The following BCL7C variants were observed in gnomAD, a reference collection of about 807,000 sequenced individuals.
BCL7C encodes BAF chromatin remodeling complex subunit BCL7C.
Under a neutral mutation model 26.2 loss-of-function variants are expected in BCL7C, and 8 were observed. The ratio of observed to expected loss-of-function variants is 0.30; its 90% CI spans 0.18 to 0.55. The LOEUF (loss-of-function observed/expected upper bound fraction) is 0.55. Ranked by LOEUF, BCL7C falls within the 20% of genes least tolerant of loss-of-function variation. The pLI, the probability that BCL7C is intolerant of heterozygous loss-of-function variation, is 0.93. For synonymous variants in BCL7C, 90 were observed against 116.5 expected (o/e 0.77, Z 1.47); for missense variants, 262 against 298.5 (o/e 0.88, Z 0.90).
intron 5 of BCL7C, among the ~76,000 whole-genome samples, chr16:30,877,488 C>A (rs573457831): frequency 2.0e-5 from 3 of 150,860 alleles, no homozygotes; most frequent in African/African-American, 7.3e-5. Flanking sequence ...TCACCAGGCC[C>A]GAGTGCAGTG....
chr16:30,858,868 A>C (rs2054746522), intron 5 of BCL7C, among the ~76,000 whole-genome samples: 1 of 152,206 alleles, frequency 6.6e-6, no homozygotes, highest in African/African-American at 2.4e-5. Context: ...ACATAGCCTG[A>C]TAAAATCCCT....
chr16:30,887,700 G>T, downstream of BCL7C: 1 of 1,203,688 alleles, frequency 8.3e-7, no homozygotes, highest in Non-Finnish European at 1.1e-6. Context: ...GGTCCTCTCA[G>T]AGCCTCAGTG....
chr16:30,847,783 G>T (rs2054645011), intron 5 of BCL7C, among the ~76,000 whole-genome samples: 2 of 151,770 alleles, frequency 1.3e-5, no homozygotes, highest in Non-Finnish European at 2.9e-5. Flanking sequence ...GCAACAGAAT[G>T]AGACTCTATC....
chr16:30,888,947 T>C lies in BCL7C; in HGVS notation c.443-2A>G. On this transcript the variant is annotated splice_acceptor_variant, in intron 4 of 5. Coordinates refer to ENST00000215115, the MANE Select transcript of BCL7C (RefSeq NM_004765.4). LOFTEE classifies it high-confidence loss of function. ...TGCCAGCAGTTATGCCCCCGGGATC[T>C]GGAACGTCAAGGTAACAAACATCCC... 1.2e-6 allele frequency: 2 copies of C among 1,613,838 alleles called. No individual in the cohort carries two copies. Among genetic ancestry groups the C allele is most frequent in the African/African-American group, 2.7e-5 (2 of 75,038 alleles).
chr16:30,868,855 C>CA lies in BCL7C; in HGVS notation c.528+20004dup, dbSNP rs913478472. ...ACGGAAAAGAAAAATAATACAACAG[C>CA]AAAAAAAAAAGATTTAAAAAAAATT... is the stretch of plus-strand genomic sequence containing the variant. On this transcript the variant is annotated intron_variant, in intron 5 of 5. Coordinates refer to the BCL7C transcript ENST00000380317. Among the ~76,000 whole-genome samples the CA allele has an allele frequency of 4.7e-3, 694 of 146,794 alleles. 2 individuals are homozygous for CA. The highest frequency in any genetic ancestry group is 0.015 in the African/African-American group (616 of 40,226).
intron 5 of BCL7C, chr16:30,875,250 C>T (rs1329024857): frequency 6.5e-6 from 1 of 154,638 alleles, no homozygotes; most frequent in Non-Finnish European, 1.5e-5. Flanking sequence ...CAGGCGAGGC[C>T]ACGCGACATA....
Position 30,834,949 on chromosome 16 carries a change from C to G in BCL7C, c.728G>C (p.Ter243SerextTer38). The G allele has an allele frequency of 6.5e-7, 1 of 1,530,676 alleles. No individual in the cohort carries two copies. The highest frequency in any genetic ancestry group is 1.2e-5 in the South Asian group (1 of 82,210). The allele number at this position is 1,530,676 out of a possible 1,614,324, so 94.8% of individuals were successfully genotyped here. Residue 243 changes from the stop codon to serine, a stop_lost, in exon 6 of 6, where the codon TGA becomes TCA. Transcript: ENST00000380317. This position sits in a 1 kb window ranked among gnomAD's most constrained non-coding sequence, Gnocchi z 4.3. Reference sequence around the variant, plus strand: ...TCTTGGCTTGCTTGGGGAGCCCACTCACCTCCCCTTACCCTGGGGGATTGT... The same window carrying G: ...TCTTGGCTTGCTTGGGGAGCCCACTGACCTCCCCTTACCCTGGGGGATTGT...
intron 5 of BCL7C, among the ~76,000 whole-genome samples, chr16:30,868,299 T>C (rs926190164): frequency 6.7e-6 from 1 of 149,546 alleles, no homozygotes; most frequent in African/African-American, 2.4e-5. Flanking sequence ...GGCTAATTTT[T>C]TTTTTTTTTT....
At chr16:30,839,699 G>A (rs986086914) in intron 5 of BCL7C, among the ~76,000 whole-genome samples, 6 of 152,212 alleles carry the variant, frequency 3.9e-5, no homozygotes, top group Non-Finnish European at 5.9e-5. Flanking sequence ...AAACGAGCTC[G>A]AAAGTGGATT....
rs751012085 is a variant in BCL7C at position 30,893,340 on chromosome 16, C to A, written c.93-50G>T. 5 of 1,510,366 alleles carry A rather than the reference C, an allele frequency of 3.3e-6. No individual in the cohort carries two copies. In the East Asian group the frequency reaches 9.1e-5, roughly 28 times the overall value. 93.6% of individuals were successfully genotyped at this position (1,510,366 alleles called of 1,614,324 possible). On this transcript the variant is annotated intron_variant, in intron 1 of 5. Transcript: ENST00000215115. The surrounding 1 kb of genome is among the most constrained non-coding windows in gnomAD (Gnocchi z 5.2). Reference sequence around the variant, plus strand: ...CAGAGAGGCCTGAGGGGAGACCCACCCCCCTAGGAGCTGGACACATCTGGG... The same window carrying A: ...CAGAGAGGCCTGAGGGGAGACCCACACCCCTAGGAGCTGGACACATCTGGG...
chr16:30,865,721 TTTTTTC>T (rs2054819353), intron 5 of BCL7C, among the ~76,000 whole-genome samples: 1 of 114,794 alleles, frequency 8.7e-6, no homozygotes, highest in Non-Finnish European at 1.7e-5. Context: ...ATATGGCTTT[TTTTTTC>T]TTTTTTTTTT....
chr16:30,846,078 C>A (rs1291816163), intron 5 of BCL7C, among the ~76,000 whole-genome samples: 1 of 146,476 alleles, frequency 6.8e-6, no homozygotes, highest in Non-Finnish European at 1.5e-5. Context: ...CCACTGCACT[C>A]CAGCCTGGGC....
At chr16:30,880,386 C>A (rs560571812) in intron 5 of BCL7C, among the ~76,000 whole-genome samples, 1 of 151,732 alleles carries the variant, frequency 6.6e-6, no homozygotes, top group South Asian at 2.1e-4. Flanking sequence ...GACAGCAGAT[C>A]AAGGCCCTGT....
chr16:30,850,459 G>A (rs2054666460), intron 5 of BCL7C, among the ~76,000 whole-genome samples: 1 of 152,134 alleles, frequency 6.6e-6, no homozygotes, highest in African/African-American at 2.4e-5. Flanking sequence ...TTGTCATTGT[G>A]CAGACATCAT....
chr16:30,879,700 A>AAAAAAAAAAAAAAAC lies in BCL7C; in HGVS notation c.528+9159_528+9160insGTTTTTTTTTTTTTT, dbSNP rs758573108. Among the ~76,000 whole-genome samples the AAAAAAAAAAAAAAAC allele has an allele frequency of 4.3e-3, 576 of 135,054 alleles. 61 individuals are homozygous for AAAAAAAAAAAAAAAC. Among genetic ancestry groups the AAAAAAAAAAAAAAAC allele is most frequent in the Non-Finnish European group, 8.3e-3 (491 of 59,490 alleles). The allele number at this position is 135,054 out of a possible 152,430, so 88.6% of individuals were successfully genotyped here. Reference sequence around the variant, plus strand: ...ACTCCCCTTCTCTACAAAAAAAAAAAAAAAAAAAACTGGGCACGGTGGCTC... The same window carrying AAAAAAAAAAAAAAAC: ...ACTCCCCTTCTCTACAAAAAAAAAAAAAAAAAAAAAAAAACAAAAAAAAACTGGGCACGGTGGCTC... On this transcript the variant is annotated intron_variant, in intron 5 of 5. Transcript: ENST00000380317.
intron 5 of BCL7C, among the ~76,000 whole-genome samples, chr16:30,876,881 TTGG>T (rs1329878386): frequency 6.6e-6 from 1 of 152,066 alleles, no homozygotes; most frequent in Non-Finnish European, 1.5e-5. Flanking sequence ...CATAAGGAAC[TTGG>T]TGGGAGAACT....
intron 5 of BCL7C, among the ~76,000 whole-genome samples, chr16:30,856,268 C>T (rs2054720894): frequency 6.6e-6 from 1 of 151,232 alleles, no homozygotes; most frequent in Admixed American, 6.6e-5. Context: ...AGTGAAACCC[C>T]GTCTCTACTA....
At chr16:30,879,711 T>TAAAAAAAAAAAAAAAAAAAAAAAA (rs1596612477) in intron 5 of BCL7C, among the ~76,000 whole-genome samples, 1 of 17,168 alleles carries the variant, frequency 5.8e-5, no homozygotes, top group Non-Finnish European at 2.4e-4. Flanking sequence ...AAAAAAAAAC[T>TAAAAAAAAAAAAAAAAAAAAAAAA]GGGCACGGTG....
intron 5 of BCL7C, among the ~76,000 whole-genome samples, chr16:30,837,388 T>C (rs796776335): frequency 6.6e-6 from 1 of 151,918 alleles, no homozygotes; most frequent in South Asian, 2.1e-4. Context: ...GGAGTTTTGC[T>C]CTTGTTGCCC....
Sources: allele counts gnomAD v4.1 joint callset (sites outside exome capture counted in the v4.1 genomes callset), GRCh38; gene constraint gnomAD v4.1.1; non-coding constraint Gnocchi (gnomAD v3.1); transcripts MANE v1.5; gene names NCBI Gene and HGNC (gene_info 2026-07-23, HGNC 2026-07-21).